VIRMA: variants seen among roughly 807,000 people sequenced by gnomAD.
VIRMA encodes vir like m6A methyltransferase associated.
Under a neutral mutation model 182.4 loss-of-function variants are expected in VIRMA, and 65 were observed. That is an observed-to-expected ratio of 0.36 (90% CI 0.29 to 0.44). VIRMA has a LOEUF of 0.44. Among genes scored for constraint, VIRMA ranks in the 20% least tolerant of loss-of-function variants. VIRMA has a pLI of 1.00. For missense variants in VIRMA, 1,752 were observed against 2,158.1 expected (o/e 0.81, Z 3.73); for synonymous variants, 709 against 743.1 (o/e 0.95, Z 0.75).
chr8:94,526,067 A>G (rs1483210338), intron 8 of VIRMA, among the ~76,000 whole-genome samples, 156 bp downstream of exon 8: 1 of 152,256 alleles, frequency 6.6e-6, no homozygotes, highest in Non-Finnish European at 1.5e-5. Context: ...ACAGTAACAT[A>G]CTTCTCAGTT....
At position 94,511,773 on chromosome 8, in the gene VIRMA, T is replaced by TCA. The variant is rs770890854; in HGVS notation, c.2846-45_2846-44insTG. The TCA allele has an allele frequency of 5.1e-6, 6 of 1,188,016 alleles. No individual in the cohort carries two copies. In the East Asian group the frequency reaches 1.3e-4, roughly 26 times the overall value. 73.6% of individuals were successfully genotyped at this position (1,188,016 alleles called of 1,614,324 possible). A position where few individuals can be genotyped will look rare whatever the true frequency, so the allele number is the denominator to read the frequency against. On this transcript the variant is annotated intron_variant, in intron 12 of 23. Coordinates refer to ENST00000297591, the MANE Select transcript of VIRMA (RefSeq NM_015496.5). ...AAAGAAACAAAACTAATTACTTATATGTTAATAACTGATTAAGAATTATTA... is the reference window on the plus strand; with the variant it reads ...AAAGAAACAAAACTAATTACTTATATCAGTTAATAACTGATTAAGAATTATTA...
At chr8:94,536,183 G>A (rs1415328059) in intron 4 of VIRMA, among the ~76,000 whole-genome samples, 1 of 152,220 alleles carries the variant, frequency 6.6e-6, no homozygotes, top group South Asian at 2.1e-4. Flanking sequence ...AGGGAAACTG[G>A]GGACCAGAAG....
intron 1 of VIRMA, among the ~76,000 whole-genome samples, chr8:94,544,889 A>C (rs1815707486): frequency 6.6e-6 from 1 of 152,112 alleles, no homozygotes; most frequent in African/African-American, 2.4e-5. Context: ...CAGGGAAAGC[A>C]TTTAGGTACT....
intron 15 of VIRMA, among the ~76,000 whole-genome samples, chr8:94,509,371 C>T (rs1307869817): frequency 6.6e-6 from 1 of 150,774 alleles, no homozygotes. Flanking sequence ...CATTGCACTC[C>T]AGCCTGGGCG....
rs1200887565 is a variant in VIRMA, at chr8:94,547,257, T to C, written c.64-3315A>G. On this transcript the variant is annotated intron_variant, in intron 1 of 23. Transcript: ENST00000297591. ...CACTTGATTAATGGTTATTGAATTGTGTTTTCAGAGAATTAAAAACAAAGC... is the reference window on the plus strand; with the variant it reads ...CACTTGATTAATGGTTATTGAATTGCGTTTTCAGAGAATTAAAAACAAAGC... 2.6e-5 allele frequency among the ~76,000 whole-genome samples: 4 copies of C among 151,168 alleles called. No homozygotes were observed. In the East Asian group the frequency reaches 7.7e-4, roughly 29 times the overall value.
intron 1 of VIRMA, among the ~76,000 whole-genome samples, chr8:94,544,853 T>C (rs1815706908): frequency 6.6e-6 from 1 of 151,936 alleles, no homozygotes; most frequent in Admixed American, 6.6e-5. Flanking sequence ...TTTGTTAAAC[T>C]TACATACCAA....
chr8:94,494,453 G>T (rs754607681), intron 20 of VIRMA, among the ~76,000 whole-genome samples: 1 of 151,694 alleles, frequency 6.6e-6, no homozygotes, highest in Non-Finnish European at 1.5e-5. Context: ...TTAGCCAGGC[G>T]TGGTGGCACA....
intron 16 of VIRMA, among the ~76,000 whole-genome samples, chr8:94,502,408 AAATT>A (rs1185153135): frequency 9.9e-5 from 15 of 151,602 alleles, no homozygotes; most frequent in Admixed American, 6.6e-4. Flanking sequence ...ACATATATAT[AAATT>A]AATAAATTTA....
chr8:94,535,033 A>G (rs1563478065), intron 4 of VIRMA, 26 bp from the exon 5 acceptor site: 1 of 1,553,246 alleles, frequency 6.4e-7, no homozygotes, highest in Non-Finnish European at 8.7e-7. Context: ...GGCAAAAAAA[A>G]TCTTTCAAAG....
chr8:94,506,828 T>C, intron 15 of VIRMA, 111 bp from the exon 16 acceptor site: 2 of 636,538 alleles, frequency 3.1e-6, no homozygotes, highest in Non-Finnish European at 5.4e-6. Flanking sequence ...CATTAAAATA[T>C]TGTTGCTACT....
intron 1 of VIRMA, among the ~76,000 whole-genome samples, chr8:94,549,029 C>A (rs1299817255): frequency 6.6e-6 from 1 of 152,206 alleles, no homozygotes; most frequent in Non-Finnish European, 1.5e-5. Flanking sequence ...GCTGGGGCTA[C>A]AGGCACACAT....
At position 94,491,643 on chromosome 8, in the gene VIRMA, C is replaced by A; in HGVS notation, c.5075G>T (p.Gly1692Val). The change falls in exon 22 of 24, where the codon GGC (glycine) becomes GTC (valine). Residue 1692 changes from glycine to valine, a missense_variant. Around this residue, in one of 11 missense-constraint regions of VIRMA, gnomAD observed 132 missense variants for 173.8 expected, o/e 0.76. Coordinates refer to ENST00000297591, the MANE Select transcript of VIRMA (RefSeq NM_015496.5). ...GAAAGCACCCCGTCCTCCTCTATTG[C>A]CTGAAAACCCACCACGGGAAGAAAT... Reference protein sequence around the residue: ...QKISSRGGFSGNRGGRGAFHS... With the variant: ...QKISSRGGFSVNRGGRGAFHS... The A allele has an allele frequency of 6.2e-7, 1 of 1,614,134 alleles. No individual in the cohort carries two copies.
chr8:94,525,853 G>T (rs966882016), intron 8 of VIRMA, among the ~76,000 whole-genome samples: 3 of 152,154 alleles, frequency 2.0e-5, no homozygotes, highest in African/African-American at 7.2e-5. Context: ...AATGTATTAA[G>T]AGTAGTAAGT....
At chr8:94,504,870 A>T (rs185404217) in intron 16 of VIRMA, among the ~76,000 whole-genome samples, 185 of 152,280 alleles carry the variant, frequency 1.2e-3, no homozygotes, top group Non-Finnish European at 1.9e-3. Flanking sequence ...GGAAAAAGGG[A>T]ATAGGTTAAG....
intron 2 of VIRMA, 105 bp from the exon 3 acceptor site, chr8:94,538,451 A>T: frequency 7.4e-6 from 5 of 672,614 alleles, no homozygotes; most frequent in Non-Finnish European, 1.3e-5. Flanking sequence ...CTAGAATTAG[A>T]ATATGATGTT....
intron 18 of VIRMA, chr8:94,496,109 G>A (rs887965974): frequency 1.6e-6 from 1 of 613,918 alleles, no homozygotes; most frequent in African/African-American, 1.9e-5. Context: ...TGCTTCCAAG[G>A]AACAGACAAT....
intron 17 of VIRMA, chr8:94,499,138 A>G (rs1482291504): frequency 7.2e-6 from 2 of 277,196 alleles, no homozygotes; most frequent in Non-Finnish European, 1.3e-5. Context: ...TTGGATATTT[A>G]ATATATAAAG....
At position 94,531,099 on chromosome 8, in the gene VIRMA, G is replaced by T. The variant is rs553213808; in HGVS notation, c.485-14C>A. 2 of 1,514,394 alleles carry T rather than the reference G, an allele frequency of 1.3e-6. No homozygotes were observed. The highest frequency in any genetic ancestry group is 2.7e-5 in the South Asian group (2 of 74,836). 93.8% of individuals were successfully genotyped at this position (1,514,394 alleles called of 1,614,324 possible). ...TCTCCCCATCAGCTAGTGTTTTATG[G>T]GAGACAGAAAAAGAACTTTCAAATT... On this transcript the variant is annotated splice_polypyrimidine_tract_variant and intron_variant, in intron 5 of 23. Transcript: ENST00000297591.
intron 16 of VIRMA, among the ~76,000 whole-genome samples, chr8:94,501,852 T>C (rs1431317583): frequency 3.9e-5 from 6 of 152,160 alleles, no homozygotes; most frequent in Admixed American, 3.9e-4. Context: ...ACTTGGAAGG[T>C]TGAGGCAGTG....
Sources: allele counts gnomAD v4.1 joint callset (sites outside exome capture counted in the v4.1 genomes callset), GRCh38; gene constraint gnomAD v4.1.1; regional missense constraint gnomAD v4.1.1; transcripts MANE v1.5; gene names NCBI Gene and HGNC (gene_info 2026-07-23, HGNC 2026-07-21).